ANGPTL3: variants seen among roughly 807,000 people sequenced by gnomAD.
The protein encoded by ANGPTL3 is angiopoietin-related protein 3.
Under a neutral mutation model 52.7 loss-of-function variants are expected in ANGPTL3, and 51 were observed. The observed-to-expected ratio is 0.97, with a 90% confidence interval of 0.77 to 1.22. ANGPTL3 has a LOEUF of 1.22. ANGPTL3 is among the 50% of genes most tolerant of loss of function. The pLI is 0.00. For synonymous variants in ANGPTL3, 185 were observed against 179.8 expected (o/e 1.03, Z -0.23); for missense variants, 506 against 520.7 (o/e 0.97, Z 0.27).
At position 62,601,069 on chromosome 1, in the gene ANGPTL3, A is replaced by G; in HGVS notation, c.607-13A>G. On this transcript the variant is annotated splice_polypyrimidine_tract_variant and intron_variant, in intron 2 of 6. Transcript: ENST00000371129. ...GTATCATTTTAAAAAACAGATTTAT[A>G]TTCTTTTATCAGCTCAGAAGGACTA... The G allele has an allele frequency of 1.4e-6, 2 of 1,459,056 alleles. No homozygotes were observed. Among genetic ancestry groups the G allele is most frequent in the Non-Finnish European group, 1.9e-6 (2 of 1,039,786 alleles). 90.4% of individuals were successfully genotyped at this position (1,459,056 alleles called of 1,614,324 possible).
rs1650740420 is a variant in ANGPTL3, at chr1:62,604,871, A to C, written c.*54A>C. On this transcript the variant is annotated 3_prime_UTR_variant, in exon 7 of 7. Transcript: ENST00000371129. Reference sequence around the variant, plus strand: ...TAAACATTAACCTCATTCCAAGTTAATGTGGTCTAATAATCTGGTATTAAA... The same window carrying C: ...TAAACATTAACCTCATTCCAAGTTACTGTGGTCTAATAATCTGGTATTAAA... 7.4e-6 allele frequency: 5 copies of C among 676,126 alleles called. No individual in the cohort carries two copies. In the Admixed American group the frequency reaches 1.3e-4, roughly 17 times the overall value. The allele number at this position is 676,126 out of a possible 1,614,324, so 41.9% of individuals were successfully genotyped here. A position where few individuals can be genotyped will look rare whatever the true frequency, so the allele number is the denominator to read the frequency against.
rs1234180754 is a variant in ANGPTL3, at chr1:62,604,014, A to T, written c.977A>T (p.Gln326Leu). 6.2e-7 allele frequency: 1 copy of T among 1,613,036 alleles called. No homozygotes were observed. The highest frequency in any genetic ancestry group is 1.3e-5 in the African/African-American group (1 of 74,870). Residue 326 changes from glutamine (Q) to leucine (L), a missense_variant, in exon 6 of 7, where the codon CAA becomes CTA. Transcript: ENST00000371129. ...GAGAAGATATACTCCATAGTGAAGC[A>T]ATCTAATTATGTTTTACGAATTGAG... is the stretch of plus-strand genomic sequence containing the variant. ...GLEKIYSIVK[Q>L]SNYVLRIELE...
intron 6 of ANGPTL3, 146 bp downstream of exon 6, chr1:62,604,381 G>C: frequency 9.5e-7 from 1 of 1,051,588 alleles, no homozygotes; most frequent in Non-Finnish European, 1.4e-6. Context: ...TAACTATAAT[G>C]AAAGTGTTCA....
chr1:62,600,520 CACTT>C (rs1174016694), intron 2 of ANGPTL3, among the ~76,000 whole-genome samples: 1 of 151,728 alleles, frequency 6.6e-6, no homozygotes, highest in Non-Finnish European at 1.5e-5. Flanking sequence ...AAACCCAACA[CACTT>C]AAATAAAAAT....
At chr1:62,604,344 G>T in intron 6 of ANGPTL3, 109 bp downstream of exon 6, 1 of 1,379,832 alleles carries the variant, frequency 7.2e-7, no homozygotes. Flanking sequence ...TCCCAAATAA[G>T]CGTTTTCTCT....
At chr1:62,601,947 T>C (rs1440878296) in intron 4 of ANGPTL3, 65 bp downstream of exon 4, 10 of 947,790 alleles carry the variant, frequency 1.1e-5, no homozygotes, top group Non-Finnish European at 1.5e-5. Flanking sequence ...ATTAGGAAGA[T>C]TAACCTGGTT....
rs138899888 is a variant in ANGPTL3 at position 62,602,323 on chromosome 1, T to C, written c.874T>C (p.Ser292Pro). The change falls in exon 5 of 7, where the codon TCA (serine) becomes CCA (proline). Residue 292 changes from serine (S) to proline (P), a missense_variant. Physicochemically the swap from Ser to Pro is moderately conservative, Grantham distance 74. Transcript: ENST00000371129. ...ATTAATTCAACATCGAATAGATGGA[T>C]CACAAAACTTCAATGAAACGTGGGA... ...WTLIQHRIDG[S>P]QNFNETWENY... The C allele has an allele frequency of 1.5e-5, 24 of 1,610,918 alleles. No individual in the cohort carries two copies. In the African/African-American group the frequency reaches 3.1e-4, roughly 21 times the overall value.
In ANGPTL3 at chr1:62,604,916, GA is replaced by G. The variant is rs748061933; in HGVS notation, c.*102del. 264 of 1,291,784 alleles carry G rather than the reference GA, an allele frequency of 2.0e-4. No individual in the cohort carries two copies. Among genetic ancestry groups the G allele is most frequent in the Non-Finnish European group, 2.8e-4 (251 of 907,184 alleles). The allele number at this position is 1,291,784 out of a possible 1,614,324, so 80.0% of individuals were successfully genotyped here. A position where few individuals can be genotyped will look rare whatever the true frequency, so the allele number is the denominator to read the frequency against. ...ATTAAATCCTTAAGAGAAAGCTTGA[GA>G]AATAGATTTTTTTTATCTTAAAGTC... On this transcript the variant is annotated 3_prime_UTR_variant, in exon 7 of 7. Transcript: ENST00000371129.
chr1:62,601,976 T>C (rs1650194747), intron 4 of ANGPTL3, 94 bp downstream of exon 4: 1 of 731,808 alleles, frequency 1.4e-6, no homozygotes, highest in East Asian at 2.7e-5. Context: ...TTTATACATA[T>C]ATATATGAAA....
intron 2 of ANGPTL3, among the ~76,000 whole-genome samples, chr1:62,599,922 G>A (rs1332814434): frequency 1.3e-5 from 2 of 151,824 alleles, no homozygotes; most frequent in African/African-American, 2.4e-5. Context: ...CTCTCAAACA[G>A]CTATTCAAGA....
At chr1:62,604,523 C>T (rs1650659158) in intron 6 of ANGPTL3, 110 bp from the exon 7 acceptor site, 3 of 1,197,940 alleles carry the variant, frequency 2.5e-6, no homozygotes, top group Non-Finnish European at 3.6e-6. Flanking sequence ...ATACATGCAT[C>T]TAAAACACTG....
rs568204829 is a variant in ANGPTL3 at position 62,601,836 on chromosome 1, A to T, written c.789A>T (p.Arg263Ser). The T allele has an allele frequency of 1.4e-5, 23 of 1,610,350 alleles. No homozygotes were observed. Among genetic ancestry groups the T allele is most frequent in the Non-Finnish European group, 2.0e-5 (23 of 1,177,368 alleles). ...ATACAAGTGGCATGTATGCCATCAG[A>T]CCCAGCAACTCTCAAGTTTTTCATG... ...GEHTSGMYAIRPSNSQVFHVY... is the reference protein window; with the variant it reads ...GEHTSGMYAISPSNSQVFHVY... Residue 263 changes from arginine to serine, a missense_variant, in exon 4 of 7, where the codon AGA (arginine) becomes AGT (serine). Arg to Ser is a moderately radical substitution (Grantham distance 110, BLOSUM62 -1). Transcript: ENST00000371129.
chr1:62,600,116 ATTCTT>A (rs1649892415), intron 2 of ANGPTL3, among the ~76,000 whole-genome samples: 1 of 151,800 alleles, frequency 6.6e-6, no homozygotes, highest in Non-Finnish European at 1.5e-5. Flanking sequence ...ATTATTCTAA[ATTCTT>A]TTCAATTATA....
In ANGPTL3 at chr1:62,604,780, T is replaced by G; in HGVS notation, c.1346T>G (p.Met449Arg). Reference sequence around the variant, plus strand: ...TTATACTCTATAAAATCAACCAAAATGTTGATCCATCCAACAGATTCAGAA... The same window carrying G: ...TTATACTCTATAAAATCAACCAAAAGGTTGATCCATCCAACAGATTCAGAA... Reference protein sequence around the residue: ...GRLYSIKSTKMLIHPTDSESF... With the variant: ...GRLYSIKSTKRLIHPTDSESF... The change falls in exon 7 of 7, where the codon ATG becomes AGG. Residue 449 changes from methionine (M) to arginine (R), a missense_variant. By Grantham distance (91) the Met-to-Arg change is moderately conservative. Coordinates refer to ENST00000371129, the MANE Select transcript of ANGPTL3 (RefSeq NM_014495.4). 1 of 1,613,058 alleles carries G rather than the reference T, an allele frequency of 6.2e-7. No homozygotes were observed. Among genetic ancestry groups the G allele is most frequent in the Non-Finnish European group, 8.5e-7 (1 of 1,179,288 alleles).
intron 2 of ANGPTL3, among the ~76,000 whole-genome samples, chr1:62,599,571 T>C (rs187494055): frequency 1.3e-5 from 2 of 152,232 alleles, no homozygotes; most frequent in East Asian, 3.9e-4. Context: ...TGCACTAAAA[T>C]GTAAGCTCTG....
chr1:62,602,363 GT>G lies in ANGPTL3; in HGVS notation c.918del (p.Phe306LeufsTer12), dbSNP rs1421712253. 6.2e-7 allele frequency: 1 copy of G among 1,610,726 alleles called. No homozygotes were observed. The highest frequency in any genetic ancestry group is 8.5e-7 in the Non-Finnish European group (1 of 1,177,562). The stretch of plus-strand genomic sequence containing the variant: ...GAAACGTGGGAGAACTACAAATATG[GT>G]TTTGGGAGGCTTGATGGTAAGGGGA... ...FNETWENYKY[G>X]FGRLDGEFWL... On this transcript the variant is annotated frameshift_variant, in exon 5 of 7. Coordinates refer to ENST00000371129, the MANE Select transcript of ANGPTL3 (RefSeq NM_014495.4). LOFTEE classifies it high-confidence loss of function.
chr1:62,601,084 CAGA>C lies in ANGPTL3; in HGVS notation c.612_614del (p.Arg205del). ...ACAGATTTATATTCTTTTATCAGCT[CAGA>C]AGGACTAGTATTCAAGAACCCACAG... is the stretch of plus-strand genomic sequence containing the variant. On this transcript the variant is annotated inframe_deletion, in exon 3 of 7. Coordinates refer to ENST00000371129, the MANE Select transcript of ANGPTL3 (RefSeq NM_014495.4). The C allele has an allele frequency of 6.4e-7, 1 of 1,560,374 alleles. No individual in the cohort carries two copies. Among genetic ancestry groups the C allele is most frequent in the Non-Finnish European group, 8.8e-7 (1 of 1,131,848 alleles).
intron 5 of ANGPTL3, among the ~76,000 whole-genome samples, chr1:62,602,801 C>T (rs1263263785): frequency 6.6e-6 from 1 of 151,460 alleles, no homozygotes; most frequent in East Asian, 1.9e-4. Context: ...GACCAGGAAA[C>T]TCAGACATAC....
rs775395156 is a variant in ANGPTL3, at chr1:62,598,717, A to AATAG, written c.518_521dup (p.Ser174ArgfsTer2). ...CCAGACTTTTGTAGAAAAACAAGAT[A>AATAG]ATAGCATCAAAGACCTTCTCCAGAC... On this transcript the variant is annotated frameshift_variant, in exon 2 of 7. Transcript: ENST00000371129. LOFTEE classifies it high-confidence loss of function. 1 of 1,609,710 alleles carries AATAG rather than the reference A, an allele frequency of 6.2e-7. No individual in the cohort carries two copies. Among genetic ancestry groups the AATAG allele is most frequent in the Admixed American group, 1.7e-5 (1 of 59,858 alleles).
Sources: gnomAD v4.1 joint callset for allele counts (sites outside exome capture counted in the v4.1 genomes callset) on GRCh38, gnomAD v4.1.1 for gene constraint, MANE v1.5 for transcripts, NCBI Gene and HGNC (gene_info 2026-07-23, HGNC 2026-07-21) for gene names.